Variants in SORCS1 observed in about 807,000 individuals in gnomAD.
SORCS1 encodes VPS10 domain-containing receptor SorCS1.
SORCS1 carries 60 observed loss-of-function variants against 146.1 expected under a neutral mutation model. The ratio of observed to expected loss-of-function variants is 0.41; its 90% confidence interval spans 0.33 to 0.51. The LOEUF is 0.51. SORCS1 is among the 20% of genes least tolerant of loss of function. The pLI is 0.21. For synonymous variants in SORCS1, 637 were observed against 584.0 expected, an observed-to-expected ratio of 1.09 and a Z score of -1.31; for missense variants, 1,352 against 1,487.6, an observed-to-expected ratio of 0.91 and a Z score of 1.50.
At chr10:107,040,252 G>GA (rs1959094651) in intron 1 of SORCS1, among the ~76,000 whole-genome samples, 1 of 152,074 alleles carries the variant, frequency 6.6e-6, no homozygotes, top group South Asian at 2.1e-4. Flanking sequence ...GGGTTTTGGG[G>GA]TTTTTTTAGT....
chr10:107,009,035 C>G (rs998725736), intron 1 of SORCS1, among the ~76,000 whole-genome samples: 1 of 152,194 alleles, frequency 6.6e-6, no homozygotes, highest in African/African-American at 2.4e-5. Context: ...TTATAACTCT[C>G]TATTTTGTTT....
chr10:107,083,592 C>A (rs575210448), intron 1 of SORCS1, among the ~76,000 whole-genome samples: 1 of 152,244 alleles, frequency 6.6e-6, no homozygotes, highest in East Asian at 1.9e-4. Flanking sequence ...AGTTTGTGAA[C>A]CCAAGGAATT....
intron 23 of SORCS1, among the ~76,000 whole-genome samples, chr10:106,597,854 A>G (rs1475693893): frequency 6.6e-6 from 1 of 152,214 alleles, no homozygotes; most frequent in African/African-American, 2.4e-5. Context: ...TTCCCAAACC[A>G]TGTGATTTTC....
intron 1 of SORCS1, among the ~76,000 whole-genome samples, chr10:107,061,055 TAGTGATG>T (rs1961168426): frequency 6.6e-6 from 1 of 152,178 alleles, no homozygotes; most frequent in African/African-American, 2.4e-5. Flanking sequence ...AGAGCTATGC[TAGTGATG>T]TATTCCATCA....
At chr10:106,865,056 C>A (rs1426068362) in intron 2 of SORCS1, among the ~76,000 whole-genome samples, 1 of 151,910 alleles carries the variant, frequency 6.6e-6, no homozygotes, top group African/African-American at 2.4e-5. Context: ...GCTGTCCTGC[C>A]CTTTGGGCTT....
At chr10:107,048,265 T>A (rs1422108157) in intron 1 of SORCS1, among the ~76,000 whole-genome samples, 2 of 152,164 alleles carry the variant, frequency 1.3e-5, no homozygotes, top group African/African-American at 2.4e-5. Flanking sequence ...TTACAGAGAG[T>A]GAGCTTTAGT....
At chr10:106,641,679 G>A (rs953643805) in intron 18 of SORCS1, among the ~76,000 whole-genome samples, 7 of 152,144 alleles carry the variant, frequency 4.6e-5, no homozygotes, top group Admixed American at 2.6e-4. Context: ...ACATTGTACA[G>A]AGATGTGGGA....
chr10:106,745,999 G>A (rs1857711590), intron 5 of SORCS1, among the ~76,000 whole-genome samples: 1 of 152,250 alleles, frequency 6.6e-6, no homozygotes, highest in Admixed American at 6.5e-5. Context: ...AATTTGAGGG[G>A]CACTCTACAA....
rs557356602 is a variant in SORCS1, at chr10:106,778,286, T to C, written c.727-1594A>G. Among the ~76,000 whole-genome samples the C allele has an allele frequency of 2.0e-5, 3 of 152,216 alleles. No homozygotes were observed. In the East Asian group the frequency reaches 5.8e-4, roughly 29 times the overall value. On this transcript the variant is annotated intron_variant, in intron 3 of 25. Coordinates refer to ENST00000263054, the MANE Select transcript of SORCS1 (RefSeq NM_052918.5). ...TGGGGTGAAGGCAATGCTGTTGCTA[T>C]CAGCTACACTCCCGACAAGATGAAA...
At chr10:106,914,531 A>G (rs1952319987) in intron 2 of SORCS1, among the ~76,000 whole-genome samples, 1 of 152,134 alleles carries the variant, frequency 6.6e-6, no homozygotes, top group Non-Finnish European at 1.5e-5. Context: ...ACCAAGTAAG[A>G]CTGTGAAATA....
intron 2 of SORCS1, among the ~76,000 whole-genome samples, chr10:106,932,518 T>C (rs1413890560): frequency 6.6e-6 from 1 of 152,190 alleles, no homozygotes; most frequent in Non-Finnish European, 1.5e-5. Flanking sequence ...TCCCACCACA[T>C]GTGTGTATGC....
intron 2 of SORCS1, among the ~76,000 whole-genome samples, chr10:106,869,641 G>A (rs187942374): frequency 2.6e-5 from 4 of 151,984 alleles, no homozygotes; most frequent in Admixed American, 1.3e-4. Flanking sequence ...AAAATTCAAC[G>A]TCTTCTATGT....
intron 9 of SORCS1, among the ~76,000 whole-genome samples, chr10:106,698,498 A>C (rs1853880076): frequency 6.6e-6 from 1 of 152,238 alleles, no homozygotes. Flanking sequence ...AATCCATGCC[A>C]AAGCAGCAGT....
At chr10:107,016,352 C>T (rs1015972297) in intron 1 of SORCS1, among the ~76,000 whole-genome samples, 15 of 152,058 alleles carry the variant, frequency 9.9e-5, no homozygotes. Context: ...AAAATCAATT[C>T]AATTAGCCAG....
At chr10:106,645,922 T>C (rs1192726844) in intron 18 of SORCS1, among the ~76,000 whole-genome samples, 1 of 152,136 alleles carries the variant, frequency 6.6e-6, no homozygotes, top group Non-Finnish European at 1.5e-5. Flanking sequence ...TTTGAAATAA[T>C]GCCTTAAATA....
At chr10:107,148,931 T>A (rs1379813971) in intron 1 of SORCS1, among the ~76,000 whole-genome samples, 2 of 152,180 alleles carry the variant, frequency 1.3e-5, no homozygotes, top group East Asian at 3.9e-4. Context: ...ATAATGAAAT[T>A]CCTAAACTGA....
intron 2 of SORCS1, among the ~76,000 whole-genome samples, chr10:106,850,040 T>G (rs913954531): frequency 2.6e-5 from 4 of 152,096 alleles, no homozygotes; most frequent in Admixed American, 2.0e-4. Flanking sequence ...TGTCTTTTGG[T>G]TTGTCTGTGC....
At chr10:106,744,229 C>G (rs1421951088) in intron 5 of SORCS1, among the ~76,000 whole-genome samples, 2 of 152,154 alleles carry the variant, frequency 1.3e-5, no homozygotes, top group East Asian at 3.9e-4. Flanking sequence ...CTCAGTCTCC[C>G]AAGTAGCTGG....
chr10:106,658,528 T>A (rs1436726841), intron 17 of SORCS1, among the ~76,000 whole-genome samples: 2 of 152,196 alleles, frequency 1.3e-5, no homozygotes, highest in Non-Finnish European at 2.9e-5. Context: ...TTGTGCTATG[T>A]GCATTTGCTT....
Sources: gnomAD v4.1 joint callset for allele counts (sites outside exome capture counted in the v4.1 genomes callset) on GRCh38, gnomAD v4.1.1 for gene constraint, MANE v1.5 for transcripts, NCBI Gene and HGNC (gene_info 2026-07-23, HGNC 2026-07-21) for gene names.